The following PTPRM variants were observed in gnomAD, a reference collection of about 807,000 sequenced individuals.
PTPRM encodes protein tyrosine phosphatase receptor type M.
Under a neutral mutation model 186.7 loss-of-function variants are expected in PTPRM, and 47 were observed. That is an observed-to-expected ratio of 0.25 (90% CI 0.20 to 0.32). The LOEUF (loss-of-function observed/expected upper bound fraction) is 0.32, where lower values mean the gene tolerates loss of function less well. Among genes scored for constraint, PTPRM ranks in the 10% least tolerant of loss-of-function variants. PTPRM has a pLI of 1.00. For synonymous variants in PTPRM, 668 were observed against 674.9 expected (o/e 0.99, Z 0.16); for missense variants, 1,494 against 1,865.0 (o/e 0.80, Z 3.66).
intron 11 of PTPRM, among the ~76,000 whole-genome samples, chr18:8,104,740 A>C (rs1483597635): frequency 2.0e-5 from 3 of 152,164 alleles, no homozygotes; most frequent in African/African-American, 7.2e-5. Flanking sequence ...GAGGTACCAC[A>C]CCCAGCCCTT....
intron 7 of PTPRM, among the ~76,000 whole-genome samples, chr18:8,044,348 C>T (rs2086882850): frequency 6.6e-6 from 1 of 152,194 alleles, no homozygotes; most frequent in Non-Finnish European, 1.5e-5. Flanking sequence ...ATGCTCTTTT[C>T]TGCAACTAGA....
At chr18:7,896,866 A>G (rs1434485577) in intron 3 of PTPRM, among the ~76,000 whole-genome samples, 1 of 152,134 alleles carries the variant, frequency 6.6e-6, no homozygotes, top group Non-Finnish European at 1.5e-5. Context: ...ACTTGATCTT[A>G]CCTATCTTTT....
chr18:7,794,028 T>G (rs932413244), intron 2 of PTPRM, among the ~76,000 whole-genome samples: 1 of 152,164 alleles, frequency 6.6e-6, no homozygotes. Context: ...GAGGAGAGCC[T>G]GGGCCACTAA....
At chr18:7,849,274 A>G (rs1252332932) in intron 2 of PTPRM, among the ~76,000 whole-genome samples, 3 of 152,222 alleles carry the variant, frequency 2.0e-5, no homozygotes, top group Non-Finnish European at 4.4e-5. Context: ...AGAATGTTTC[A>G]GGTTATCAAG....
chr18:8,113,471 C>T lies in PTPRM; in HGVS notation c.1857-15C>T, dbSNP rs772104959. The T allele has an allele frequency of 8.1e-6, 13 of 1,608,010 alleles. No individual in the cohort carries two copies. The highest frequency in any genetic ancestry group is 3.3e-5 in the South Asian group (3 of 90,782). On this transcript the variant is annotated splice_polypyrimidine_tract_variant and intron_variant, in intron 11 of 32. Transcript: ENST00000580170. ...TTATCATAAAATATCATTGATGGTA[C>T]TCTTGTTTTTCTAGTGTCTATCAAA...
intron 14 of PTPRM, among the ~76,000 whole-genome samples, chr18:8,237,860 A>C (rs967835372): frequency 6.6e-6 from 1 of 152,132 alleles, no homozygotes; most frequent in Non-Finnish European, 1.5e-5. Context: ...CATAATGAAT[A>C]TTTCACTTCA....
intron 1 of PTPRM, among the ~76,000 whole-genome samples, chr18:7,617,913 G>A (rs536389558): frequency 7.9e-5 from 12 of 152,194 alleles, no homozygotes; most frequent in African/African-American, 2.4e-4. Flanking sequence ...CTGGACTTTC[G>A]GTTTTGTGTG....
At chr18:8,139,309 G>A (rs1158868857) in intron 13 of PTPRM, among the ~76,000 whole-genome samples, 1 of 152,148 alleles carries the variant, frequency 6.6e-6, no homozygotes, top group Admixed American at 6.5e-5. Context: ...AAAACTGATG[G>A]CTGGACTGTC....
chr18:8,078,104 C>A (rs531661806), intron 9 of PTPRM, among the ~76,000 whole-genome samples: 1 of 152,254 alleles, frequency 6.6e-6, no homozygotes, highest in East Asian at 1.9e-4. Flanking sequence ...AATATGTGAT[C>A]CAGGCCAAAG....
intron 14 of PTPRM, among the ~76,000 whole-genome samples, chr18:8,165,923 C>T (rs897019350): frequency 1.1e-4 from 16 of 152,144 alleles, no homozygotes; most frequent in African/African-American, 3.6e-4. Flanking sequence ...ACTTAGGGCT[C>T]GGGTCCCTCT....
chr18:8,201,177 A>G (rs1250627182), intron 14 of PTPRM, among the ~76,000 whole-genome samples: 1 of 152,114 alleles, frequency 6.6e-6, no homozygotes, highest in African/African-American at 2.4e-5. Context: ...TTAGCCAGGC[A>G]TGGTGGTGCG....
intron 24 of PTPRM, among the ~76,000 whole-genome samples, chr18:8,373,652 C>T (rs1333056705): frequency 6.6e-6 from 1 of 152,194 alleles, no homozygotes; most frequent in Non-Finnish European, 1.5e-5. Context: ...CAAGACAGAA[C>T]ATGACTATTC....
At chr18:8,337,904 G>A (rs1339824962) in intron 22 of PTPRM, among the ~76,000 whole-genome samples, 1 of 152,224 alleles carries the variant, frequency 6.6e-6, no homozygotes, top group Non-Finnish European at 1.5e-5. Flanking sequence ...TCTGAGAGCA[G>A]CGGAAAGCTG....
intron 19 of PTPRM, among the ~76,000 whole-genome samples, chr18:8,254,534 T>C (rs928138149): frequency 3.3e-5 from 5 of 152,232 alleles, no homozygotes; most frequent in African/African-American, 1.2e-4. Flanking sequence ...TTTTAAACCT[T>C]AGAATGTGGT....
intron 13 of PTPRM, among the ~76,000 whole-genome samples, chr18:8,123,999 A>G (rs189982810): frequency 1.3e-5 from 2 of 152,354 alleles, no homozygotes; most frequent in African/African-American, 4.8e-5. Context: ...TTCTGAATAT[A>G]GTTTTCACTC....
At chr18:7,714,125 AAC>A (rs1196337431) in intron 1 of PTPRM, among the ~76,000 whole-genome samples, 4 of 152,170 alleles carry the variant, frequency 2.6e-5, no homozygotes, top group African/African-American at 9.7e-5. Flanking sequence ...TTGGAAGTAA[AAC>A]ACTCCTCAGC....
intron 2 of PTPRM, among the ~76,000 whole-genome samples, chr18:7,775,573 G>A (rs888801945): frequency 6.6e-6 from 1 of 152,156 alleles, no homozygotes; most frequent in Non-Finnish European, 1.5e-5. Context: ...TCCAGCCTGT[G>A]TCCAGAGAGG....
chr18:8,245,207 T>C (rs927236180), intron 15 of PTPRM, among the ~76,000 whole-genome samples: 2 of 152,156 alleles, frequency 1.3e-5, no homozygotes, highest in Non-Finnish European at 2.9e-5. Flanking sequence ...GTGTGGTCAA[T>C]GCACGTGCCT....
intron 1 of PTPRM, among the ~76,000 whole-genome samples, chr18:7,613,171 TG>T (rs2037719734): frequency 1.3e-5 from 2 of 152,290 alleles, no homozygotes; most frequent in South Asian, 4.1e-4. Context: ...TGGGTACCTA[TG>T]GTAATTCAGA....
Sources: gnomAD v4.1 joint callset for allele counts (sites outside exome capture counted in the v4.1 genomes callset) on GRCh38, gnomAD v4.1.1 for gene constraint, MANE v1.5 for transcripts, NCBI Gene and HGNC (gene_info 2026-07-23, HGNC 2026-07-21) for gene names.